SV2C: variants seen among roughly 807,000 people sequenced by gnomAD.
The protein encoded by SV2C is solute carrier family 22 member B3.
SV2C carries 49 observed loss-of-function variants against 79.7 expected under a neutral mutation model. The observed-to-expected ratio is 0.61, with a 90% CI of 0.49 to 0.78. SV2C has a LOEUF of 0.78. Ranked by LOEUF, SV2C falls within the 30% of genes least tolerant of loss-of-function variation. SV2C has a pLI of 0.00. For synonymous variants in SV2C, 334 were observed against 333.2 expected (o/e 1.00, Z -0.03); for missense variants, 833 against 912.9 (o/e 0.91, Z 1.13).
At chr5:76,261,140 C>CT (rs1746447490) in intron 4 of SV2C, among the ~76,000 whole-genome samples, 1 of 152,058 alleles carries the variant, frequency 6.6e-6, no homozygotes, top group South Asian at 2.1e-4. Flanking sequence ...TGTATTTCTC[C>CT]TTGAAGAGAT....
At chr5:76,255,513 T>C (rs1746236867) in intron 4 of SV2C, among the ~76,000 whole-genome samples, 1 of 152,200 alleles carries the variant, frequency 6.6e-6, no homozygotes, top group Admixed American at 6.5e-5. Context: ...TGTATCACAT[T>C]TCCTTCTTAA....
At chr5:75,864,717 T>G in the SV2C span, among the ~76,000 whole-genome samples, 2 of 152,338 alleles carry the variant, frequency 1.3e-5, no homozygotes, top group East Asian at 3.9e-4. Flanking sequence ...TTCAGAGGTA[T>G]GCCAGAATAA....
chr5:76,072,036 A>G, the SV2C span, among the ~76,000 whole-genome samples: 1 of 152,176 alleles, frequency 6.6e-6, no homozygotes, highest in Non-Finnish European at 1.5e-5. Flanking sequence ...AACGAAAAGG[A>G]GAGAGAAAAA....
intron 12 of SV2C, among the ~76,000 whole-genome samples, chr5:76,313,066 G>A (rs1655791870): frequency 6.6e-6 from 1 of 152,048 alleles, no homozygotes; most frequent in African/African-American, 2.4e-5. Flanking sequence ...AGCCTAGCTG[G>A]GCCTGGATTG....
intron 2 of SV2C, among the ~76,000 whole-genome samples, chr5:76,172,038 G>A (rs1258762475): frequency 2.2e-4 from 23 of 105,434 alleles, no homozygotes; most frequent in Middle Eastern, 6.8e-3. Context: ...GGTGAGGGGC[G>A]CCTCTGCCCA....
chr5:76,201,814 C>G (rs1362162108), intron 3 of SV2C, among the ~76,000 whole-genome samples: 2 of 151,812 alleles, frequency 1.3e-5, no homozygotes, highest in South Asian at 2.1e-4. Context: ...GTCAGGAGAT[C>G]GAGACCATCC....
intron 2 of SV2C, among the ~76,000 whole-genome samples, chr5:76,184,477 A>G (rs1743847355): frequency 6.6e-6 from 1 of 152,370 alleles, no homozygotes; most frequent in African/African-American, 2.4e-5. Flanking sequence ...TCATACTGCT[A>G]TAAAGAAATA....
intron 4 of SV2C, among the ~76,000 whole-genome samples, chr5:76,269,587 AATT>A (rs765318960): frequency 6.6e-6 from 1 of 152,164 alleles, no homozygotes; most frequent in Non-Finnish European, 1.5e-5. Flanking sequence ...TGTAGTCTGC[AATT>A]GGTACTCGAG....
the SV2C span, among the ~76,000 whole-genome samples, chr5:75,881,314 C>T: frequency 6.6e-6 from 1 of 152,122 alleles, no homozygotes; most frequent in South Asian, 2.1e-4. Context: ...TAGCTACATC[C>T]TTGGTTTGCT....
chr5:76,094,742 C>T (rs1747493465), intron 1 of SV2C, among the ~76,000 whole-genome samples: 1 of 152,106 alleles, frequency 6.6e-6, no homozygotes, highest in African/African-American at 2.4e-5. Flanking sequence ...TATATCTTCT[C>T]TGATGCAGTG....
chr5:76,171,688 C>T (rs1743267200), intron 2 of SV2C, among the ~76,000 whole-genome samples: 1 of 141,324 alleles, frequency 7.1e-6, no homozygotes, highest in African/African-American at 2.6e-5. Context: ...GCCCGGCCAG[C>T]CGTGCCGTCC....
chr5:75,931,282 A>T, the SV2C span, among the ~76,000 whole-genome samples: 2 of 152,194 alleles, frequency 1.3e-5, no homozygotes, highest in South Asian at 4.1e-4. Flanking sequence ...CATAGAGGGA[A>T]ATGCTCCGGA....
the SV2C span, chr5:75,910,309 A>G: frequency 1.9e-6 from 1 of 531,074 alleles, no homozygotes; most frequent in Non-Finnish European, 3.7e-6. Context: ...CACCCTGGTC[A>G]GCCAGTTGCT....
chr5:76,146,428 AC>A (rs1261358175), intron 2 of SV2C, among the ~76,000 whole-genome samples: 13 of 152,148 alleles, frequency 8.5e-5, no homozygotes, highest in Non-Finnish European at 1.8e-4. Flanking sequence ...CCCTTTCTAG[AC>A]CATATAGGGA....
Position 76,285,695 on chromosome 5 carries a change from A to G in SV2C, c.1048-86A>G. ...CATTTGCACAATTACACCTCATTTGATCTGACAATGCAAGACGGCTATTGG... is the reference window on the plus strand; with the variant it reads ...CATTTGCACAATTACACCTCATTTGGTCTGACAATGCAAGACGGCTATTGG... On this transcript the variant is annotated intron_variant, in intron 5 of 12. Coordinates refer to ENST00000502798, the MANE Select transcript of SV2C (RefSeq NM_014979.4). The G allele has an allele frequency of 6.4e-6, 7 of 1,093,164 alleles. No homozygotes were observed. The Admixed American group carries it at 1.0e-4, about 16-fold the overall frequency. The allele number at this position is 1,093,164 out of a possible 1,614,324, so 67.7% of individuals were successfully genotyped here. A position where few individuals can be genotyped will look rare whatever the true frequency, so the allele number is the denominator to read the frequency against.
At chr5:76,216,263 G>T (rs1744906629) in intron 4 of SV2C, among the ~76,000 whole-genome samples, 2 of 152,108 alleles carry the variant, frequency 1.3e-5, no homozygotes, top group Admixed American at 1.3e-4. Flanking sequence ...AACATCTGAA[G>T]GTTCCCAACA....
At chr5:75,859,600 C>T in the SV2C span, among the ~76,000 whole-genome samples, 16,811 of 152,092 alleles carry the variant, frequency 0.11, 991 homozygotes, top group East Asian at 0.16. Flanking sequence ...CCATGGGCGG[C>T]CTCTGAGGAG....
At chr5:75,882,825 C>A in the SV2C span, among the ~76,000 whole-genome samples, 862 of 151,230 alleles carry the variant, frequency 5.7e-3, 3 homozygotes, top group African/African-American at 0.02. Context: ...GCAACAAAAG[C>A]CAAAATTGAC....
chr5:75,998,990 T>G, the SV2C span, among the ~76,000 whole-genome samples: 1 of 152,162 alleles, frequency 6.6e-6, no homozygotes, highest in Non-Finnish European at 1.5e-5. Context: ...TCCACTTGGC[T>G]GGGGAAGCCT....
Sources: gnomAD v4.1 joint callset for allele counts (sites outside exome capture counted in the v4.1 genomes callset) on GRCh38, gnomAD v4.1.1 for gene constraint, MANE v1.5 for transcripts, NCBI Gene and HGNC (gene_info 2026-07-23, HGNC 2026-07-21) for gene names.